DICER1: variants seen among roughly 807,000 people sequenced by gnomAD.
DICER1 encodes endoribonuclease Dicer.
Under a neutral mutation model 194.1 loss-of-function variants are expected in DICER1, and 43 were observed. The observed-to-expected ratio is 0.22, with a 90% CI of 0.17 to 0.29. The LOEUF is 0.29. DICER1 is among the 10% of genes least tolerant of loss of function. The pLI, the probability that DICER1 is intolerant of heterozygous loss-of-function variation, is 1.00. For missense variants in DICER1, 1,608 were observed against 2,317.0 expected (o/e 0.69, Z 6.28); for synonymous variants, 832 against 820.5 (o/e 1.01, Z -0.24).
In DICER1 at chr14:95,088,104, A is replaced by G. The variant is rs1889486130; in HGVS notation, c.*2394T>C. 1 of 232,650 alleles carries G rather than the reference A, an allele frequency of 4.3e-6. No individual in the cohort carries two copies. The highest frequency in any genetic ancestry group is 8.5e-6 in the Non-Finnish European group (1 of 117,706). 14.4% of individuals were successfully genotyped at this position (232,650 alleles called of 1,614,324 possible). A position where few individuals can be genotyped will look rare whatever the true frequency, so the allele number is the denominator to read the frequency against. ...ACAGAATGCTTCAAACTGTGAGTCA[A>G]ATTAAAATCTACTATTTTTCTCCAA... On this transcript the variant is annotated 3_prime_UTR_variant, in exon 27 of 27. Coordinates refer to ENST00000343455, the MANE Select transcript of DICER1 (RefSeq NM_177438.3).
intron 1 of DICER1, chr14:95,134,419 C>T (rs1894202706): frequency 6.6e-6 from 1 of 152,220 alleles, no homozygotes; most frequent in Admixed American, 6.5e-5. Context: ...ACTGGCTTTA[C>T]TGTCAGCAGG....
chr14:95,111,851 GA>G (rs1297899230), intron 13 of DICER1, among the ~76,000 whole-genome samples: 2 of 151,494 alleles, frequency 1.3e-5, no homozygotes, highest in Non-Finnish European at 2.9e-5. Context: ...TAATTTGAGA[GA>G]CTGACATATT....
At chr14:95,098,678 T>A (rs1890580912) in intron 22 of DICER1, among the ~76,000 whole-genome samples, 2 of 152,170 alleles carry the variant, frequency 1.3e-5, no homozygotes, top group Admixed American at 6.6e-5. Flanking sequence ...TTCATAGAAA[T>A]ACCATACCAT....
chr14:95,132,488 C>A (rs377579959), intron 3 of DICER1, 27 bp downstream of exon 3: 3 of 1,612,140 alleles, frequency 1.9e-6, no homozygotes, highest in Admixed American at 1.7e-5. Flanking sequence ...TTCCCCTGCA[C>A]AACTTGATAA....
intron 1 of DICER1, among the ~76,000 whole-genome samples, chr14:95,149,202 T>C (rs1485389228): frequency 6.6e-6 from 1 of 152,228 alleles, no homozygotes; most frequent in Non-Finnish European, 1.5e-5. Context: ...CAAGCTGTTT[T>C]AAGATATATA....
intron 1 of DICER1, among the ~76,000 whole-genome samples, chr14:95,144,175 T>C (rs1427082510): frequency 6.6e-6 from 1 of 152,200 alleles, no homozygotes; most frequent in Non-Finnish European, 1.5e-5. Context: ...TAAACATGTA[T>C]TTAATGGACG....
In DICER1 at chr14:95,157,467, G is replaced by C. The variant is rs1019530853; in HGVS notation, c.-283C>G. The C allele has an allele frequency of 6.6e-6, 1 of 152,498 alleles. No homozygotes were observed. The highest frequency in any genetic ancestry group is 1.9e-4 in the East Asian group (1 of 5,162). The allele number at this position is 152,498 out of a possible 1,614,324, so 9.4% of individuals were successfully genotyped here. A position where few individuals can be genotyped will look rare whatever the true frequency, so the allele number is the denominator to read the frequency against. ...CGCCTGCGGAGACTGCGCAGCGCCC[G>C]GCTGGCCGGCAGCCAGCGCACGGCC... is the stretch of plus-strand genomic sequence containing the variant. On this transcript the variant is annotated 5_prime_UTR_variant, in exon 1 of 27. Transcript: ENST00000343455.
chr14:95,154,308 T>C (rs951312881), intron 1 of DICER1, among the ~76,000 whole-genome samples: 4 of 152,204 alleles, frequency 2.6e-5, no homozygotes, highest in Admixed American at 2.0e-4. Flanking sequence ...ATTCTGAGTC[T>C]AGTCTAGTGT....
At chr14:95,136,742 A>C (rs541674591) in intron 1 of DICER1, 3 of 152,358 alleles carry the variant, frequency 2.0e-5, no homozygotes, top group South Asian at 2.1e-4. Context: ...TGAAATTATT[A>C]GTCCCATTTG....
rs1889379279 is a variant in DICER1, at chr14:95,086,901, A to G, written c.*3597T>C. On this transcript the variant is annotated 3_prime_UTR_variant, in exon 27 of 27. Transcript: ENST00000343455. ...AACAACCATATAGGTAATAAACATG[A>G]CATGAGTTTCTCTTCTGCAGATAAT... The G allele has an allele frequency of 4.3e-6, 1 of 232,770 alleles. No homozygotes were observed. Among genetic ancestry groups the G allele is most frequent in the Admixed American group, 5.6e-5 (1 of 17,778 alleles). 14.4% of individuals were successfully genotyped at this position (232,770 alleles called of 1,614,324 possible). A position where few individuals can be genotyped will look rare whatever the true frequency, so the allele number is the denominator to read the frequency against.
At chr14:95,116,734 A>C (rs1266686807) in intron 9 of DICER1, 39 bp from the exon 10 acceptor site, 4 of 1,606,824 alleles carry the variant, frequency 2.5e-6, no homozygotes, top group Non-Finnish European at 3.4e-6. Flanking sequence ...ACTTCTAAGA[A>C]AATTTCTAAA....
intron 1 of DICER1, among the ~76,000 whole-genome samples, chr14:95,147,764 G>A (rs1265474518): frequency 2.6e-5 from 4 of 152,146 alleles, no homozygotes; most frequent in Non-Finnish European, 4.4e-5. Context: ...CGTGTCAATT[G>A]CAAACCTCAG....
In DICER1 at chr14:95,133,318, A is replaced by G. The variant is rs1313430297; in HGVS notation, c.141T>C (p.Tyr47=). The change falls in exon 2 of 27, where the codon TAT becomes TAC. Residue 47 remains tyrosine (Y), a synonymous_variant. Transcript: ENST00000343455. The part of the protein sequence containing the change: ...IHDNIYTPRK[Y]QVELLEAALD... ...GTATTAGTGTTCGCATTAGTACCTG[A>G]TATTTTCTTGGCGTATAAATGTTAT... 4.3e-6 allele frequency: 7 copies of G among 1,613,922 alleles called. No homozygotes were observed. The highest frequency in any genetic ancestry group is 1.3e-5 in the African/African-American group (1 of 74,908).
chr14:95,156,724 G>C (rs1057291474), intron 1 of DICER1, among the ~76,000 whole-genome samples: 3 of 152,184 alleles, frequency 2.0e-5, no homozygotes, highest in Non-Finnish European at 4.4e-5. Context: ...TCCCCTGACA[G>C]TAATCACACA....
chr14:95,095,993 T>C lies in DICER1; in HGVS notation c.4927A>G (p.Lys1643Glu), dbSNP rs991814398. 1 of 1,614,246 alleles carries C rather than the reference T, an allele frequency of 6.2e-7. No homozygotes were observed. The highest frequency in any genetic ancestry group is 1.1e-5 in the South Asian group (1 of 91,086). ...VLKDSEYGCL[K>E]IPPRCMFDHP... ...TCAAACATACATCTTGGTGGAATCT[T>C]CAAACAACCATATTCCGAGTCTTTC... The change falls in exon 23 of 27, where the codon AAG becomes GAG. Residue 1643 changes from lysine to glutamate, a missense_variant. Coordinates refer to ENST00000343455, the MANE Select transcript of DICER1 (RefSeq NM_177438.3).
intron 3 of DICER1, 83 bp downstream of exon 3, chr14:95,132,427 TTTAAC>T (rs1180791861): frequency 3.5e-5 from 49 of 1,409,184 alleles, no homozygotes; most frequent in African/African-American, 1.7e-4. Flanking sequence ...TCTTCAATAA[TTTAAC>T]TTAAGAAACA....
In DICER1 at chr14:95,124,708, T is replaced by C. The variant is rs761017287; in HGVS notation, c.904-40A>G. 11 of 1,486,580 alleles carry C rather than the reference T, an allele frequency of 7.4e-6. No homozygotes were observed. The East Asian group carries it at 1.4e-4, about 18-fold the overall frequency. The allele number at this position is 1,486,580 out of a possible 1,614,324, so 92.1% of individuals were successfully genotyped here. A position where few individuals can be genotyped will look rare whatever the true frequency, so the allele number is the denominator to read the frequency against. On this transcript the variant is annotated intron_variant, in intron 7 of 26. Transcript: ENST00000343455. The surrounding 1 kb of genome is among the most constrained non-coding windows in gnomAD (Gnocchi z 4.5). ...AAAGAAAAAACCTAATGCCAAATAA[T>C]AATAATGTAGCATTTTCATGTGGGG...
Position 95,088,472 on chromosome 14 carries a change from T to A in DICER1, c.*2026A>T, listed in dbSNP as rs1195607540. ...ACTTGATCACAAATCACCCTCAGAA[T>A]AAAATTCACATCCAGCCTTGTTAAC... On this transcript the variant is annotated 3_prime_UTR_variant, in exon 27 of 27. Coordinates refer to ENST00000343455, the MANE Select transcript of DICER1 (RefSeq NM_177438.3). The A allele has an allele frequency of 4.3e-6, 1 of 232,394 alleles. No homozygotes were observed. The highest frequency in any genetic ancestry group is 8.5e-6 in the Non-Finnish European group (1 of 117,392). The allele number at this position is 232,394 out of a possible 1,614,324, so 14.4% of individuals were successfully genotyped here.
At chr14:95,131,401 A>T (rs1893936452) in intron 4 of DICER1, 108 bp downstream of exon 4, 8 of 1,039,506 alleles carry the variant, frequency 7.7e-6, no homozygotes, top group Non-Finnish European at 1.2e-5. Context: ...TAAGTATAGG[A>T]AATTAGTTTT....
Sources: allele counts gnomAD v4.1 joint callset (sites outside exome capture counted in the v4.1 genomes callset), GRCh38; gene constraint gnomAD v4.1.1; non-coding constraint Gnocchi (gnomAD v3.1); transcripts MANE v1.5; gene names NCBI Gene and HGNC (gene_info 2026-07-23, HGNC 2026-07-21).